Variants in NUCB2 observed in about 807,000 individuals in gnomAD.
NUCB2 encodes nucleobindin 2.
In NUCB2, 48 loss-of-function variants were observed where a neutral mutation model predicts 57.9. The ratio of observed to expected loss-of-function variants is 0.83; its 90% CI spans 0.66 to 1.05. The LOEUF is 1.05. NUCB2 is among the 50% of genes least tolerant of loss of function. The pLI, the probability that NUCB2 is intolerant of heterozygous loss-of-function variation, is 0.00. For missense variants in NUCB2, 442 were observed against 476.2 expected (o/e 0.93, Z 0.67); for synonymous variants, 139 against 152.1 (o/e 0.91, Z 0.64).
chr11:17,312,020 C>A lies in NUCB2; in HGVS notation c.820-8C>A, dbSNP rs1248827631. ...CCTTTCATGTTCATTTAAAATTTTT[C>A]TTTTTAGTTGGAGAAAGTATATGAC... On this transcript the variant is annotated splice_polypyrimidine_tract_variant and splice_region_variant and intron_variant, in intron 9 of 13. Transcript: ENST00000529010. 1.3e-6 allele frequency: 2 copies of A among 1,561,648 alleles called. No homozygotes were observed. The highest frequency in any genetic ancestry group is 1.7e-6 in the Non-Finnish European group (2 of 1,154,902).
intron 4 of NUCB2, among the ~76,000 whole-genome samples, chr11:17,300,019 GT>G (rs60916427): frequency 6.0e-5 from 9 of 150,434 alleles, no homozygotes; most frequent in Non-Finnish European, 1.0e-4. Flanking sequence ...TTTTTGTTTT[GT>G]TTTTTTTTGA....
intron 2 of NUCB2, among the ~76,000 whole-genome samples, chr11:17,288,882 TAC>T (rs1167995024): frequency 0.014 from 637 of 44,600 alleles, 8 homozygotes; most frequent in Non-Finnish European, 0.018. Context: ...AACATGTATA[TAC>T]ACACACACAC....
At chr11:17,329,611 C>A (rs188999461) in intron 11 of NUCB2, among the ~76,000 whole-genome samples, 110 of 152,330 alleles carry the variant, frequency 7.2e-4, no homozygotes, top group African/African-American at 2.6e-3. Flanking sequence ...TATGCTCCCT[C>A]CCCAGAGGGC....
chr11:17,285,300 T>C (rs1031921838), intron 2 of NUCB2, among the ~76,000 whole-genome samples: 7 of 150,236 alleles, frequency 4.7e-5, no homozygotes, highest in Non-Finnish European at 1.5e-5. Context: ...CGTGGCTGGG[T>C]GAGGTGGCTC....
intron 5 of NUCB2, among the ~76,000 whole-genome samples, chr11:17,305,625 T>TATTA (rs1235472927): frequency 3.3e-5 from 5 of 151,958 alleles, no homozygotes; most frequent in Admixed American, 6.6e-5. Context: ...TTTTTATTAT[T>TATTA]ATTAATTTTT....
At chr11:17,300,614 T>C (rs1014133561) in intron 4 of NUCB2, among the ~76,000 whole-genome samples, 1 of 152,204 alleles carries the variant, frequency 6.6e-6, no homozygotes, top group African/African-American at 2.4e-5. Flanking sequence ...TTATACTTTT[T>C]TATGGCCAAA....
intron 2 of NUCB2, among the ~76,000 whole-genome samples, chr11:17,288,886 C>T (rs1456520182): frequency 6.7e-4 from 10 of 15,024 alleles, no homozygotes; most frequent in African/African-American, 1.5e-3. Context: ...TGTATATACA[C>T]ACACACACAC....
intron 11 of NUCB2, among the ~76,000 whole-genome samples, chr11:17,320,444 C>T (rs745676600): frequency 2.0e-5 from 3 of 151,974 alleles, no homozygotes; most frequent in Non-Finnish European, 4.4e-5. Context: ...CCGAGGTGGG[C>T]GGATCACCTG....
chr11:17,348,324 T>G (rs1463487555), intron 2 of NUCB2, among the ~76,000 whole-genome samples: 245 of 21,310 alleles, frequency 0.011, 5 homozygotes, highest in Non-Finnish European at 0.024. Context: ...TTTGTGTTTT[T>G]TTTTTTTTTT....
intron 2 of NUCB2, among the ~76,000 whole-genome samples, chr11:17,339,621 C>T (rs1161450770): frequency 5.3e-5 from 8 of 150,340 alleles, no homozygotes; most frequent in South Asian, 2.1e-4. Context: ...TTTGTCCTTG[C>T]GATAGTTTGC....
At chr11:17,336,753 CAAAAAAAAAAAAAAAAAAAA>C (rs71047542), downstream of NUCB2, among the ~76,000 whole-genome samples, 2 of 47,416 alleles carry the variant, frequency 4.2e-5, no homozygotes, top group South Asian at 1.3e-3. Context: ...GACTCCGTCT[CAAAAAAAAAAAAAAAAAAAA>C]AAAAAAAAAA....
intron 4 of NUCB2, 60 bp downstream of exon 4, chr11:17,296,271 T>C: frequency 9.5e-7 from 1 of 1,053,592 alleles, no homozygotes; most frequent in Non-Finnish European, 1.4e-6. Context: ...TTTTTAGAGA[T>C]GAGGTCTCAC....
chr11:17,279,349 G>T (rs1942052388), intron 1 of NUCB2, among the ~76,000 whole-genome samples: 1 of 152,034 alleles, frequency 6.6e-6, no homozygotes, highest in African/African-American at 2.4e-5. Context: ...ATTCCAGTAC[G>T]GGCTCTGCCA....
rs1342105728 is a variant in NUCB2, at chr11:17,295,331, G to A, written c.8G>A (p.Trp3Ter). ...ATTACTCCTTTATTTCAGATGAGGT[G>A]GAGGACCATCCTGCTACAGTATTGC... The part of the protein sequence containing the change: MR[W>*]RTILLQYCFL... Residue 3 changes from tryptophan to a stop codon, truncating the protein, a stop_gained, in exon 3 of 14, where the codon TGG (tryptophan) becomes TAG (stop). Transcript: ENST00000529010. LOFTEE classifies it high-confidence loss of function. 2 of 1,609,718 alleles carry A rather than the reference G, an allele frequency of 1.2e-6. No individual in the cohort carries two copies. The highest frequency in any genetic ancestry group is 1.1e-5 in the South Asian group (1 of 90,598).
intron 11 of NUCB2, among the ~76,000 whole-genome samples, chr11:17,322,918 A>G (rs542567680): frequency 1.4e-4 from 21 of 151,304 alleles, no homozygotes; most frequent in African/African-American, 5.1e-4. Context: ...TGATTTTTGT[A>G]TGTTGATTTT....
intron 2 of NUCB2, among the ~76,000 whole-genome samples, chr11:17,291,839 G>A (rs973917367): frequency 4.3e-4 from 65 of 152,040 alleles, no homozygotes; most frequent in Admixed American, 3.7e-3. Context: ...GTCTAGATAT[G>A]AACTTTCTTT....
intron 2 of NUCB2, among the ~76,000 whole-genome samples, chr11:17,340,730 C>G (rs1192722591): frequency 1.3e-5 from 2 of 152,128 alleles, no homozygotes; most frequent in East Asian, 3.8e-4. Flanking sequence ...GGTACCAGTA[C>G]CGTGCTGTTT....
chr11:17,307,051 G>A (rs1565420025), intron 5 of NUCB2, among the ~76,000 whole-genome samples: 1 of 152,138 alleles, frequency 6.6e-6, no homozygotes, highest in Non-Finnish European at 1.5e-5. Context: ...AGGGAGGGGG[G>A]TAATTTTTAA....
At chr11:17,346,638 C>G (rs1447054523) in intron 2 of NUCB2, among the ~76,000 whole-genome samples, 1 of 152,154 alleles carries the variant, frequency 6.6e-6, no homozygotes, top group Non-Finnish European at 1.5e-5. Flanking sequence ...GGACTTCTAG[C>G]TGCCCAACTT....
Sources: gnomAD v4.1 joint callset for allele counts (sites outside exome capture counted in the v4.1 genomes callset) on GRCh38, gnomAD v4.1.1 for gene constraint, MANE v1.5 for transcripts, NCBI Gene and HGNC (gene_info 2026-07-23, HGNC 2026-07-21) for gene names.